WDR3: variants seen among roughly 807,000 people sequenced by gnomAD.
WDR3 encodes the protein WD repeat-containing protein 3.
In WDR3, 81 loss-of-function variants were observed where a neutral mutation model predicts 123.7. The observed-to-expected ratio is 0.65, with a 90% CI of 0.55 to 0.79. WDR3 has a LOEUF of 0.79. Ranked by LOEUF, WDR3 falls within the 30% of genes least tolerant of loss-of-function variation. WDR3 has a pLI of 0.00. For missense variants in WDR3, 1,027 were observed against 1,123.2 expected, an observed-to-expected ratio of 0.91 and a Z score of 1.22; for synonymous variants, 390 against 388.8, an observed-to-expected ratio of 1.00 and a Z score of -0.04.
At chr1:117,930,270 G>T (rs1650659379) in intron 1 of WDR3, among the ~76,000 whole-genome samples, 2 of 152,224 alleles carry the variant, frequency 1.3e-5, no homozygotes, top group Non-Finnish European at 2.9e-5. Flanking sequence ...AAAGTGAACA[G>T]TGCAAGTTGT....
intron 6 of WDR3, among the ~76,000 whole-genome samples, chr1:117,939,977 A>G (rs2101200442): frequency 6.6e-6 from 1 of 152,364 alleles, no homozygotes; most frequent in African/African-American, 2.4e-5. Context: ...TACATAGAAG[A>G]AAAGCTTGCA....
intron 5 of WDR3, among the ~76,000 whole-genome samples, chr1:117,938,908 GTTAC>G (rs1324038358): frequency 2.0e-5 from 3 of 152,136 alleles, no homozygotes; most frequent in African/African-American, 7.2e-5. Context: ...TGTTAAAATA[GTTAC>G]TTGAACAGAG....
intron 11 of WDR3, among the ~76,000 whole-genome samples, chr1:117,945,641 G>T (rs189801480): frequency 1.1e-4 from 17 of 152,284 alleles, no homozygotes; most frequent in African/African-American, 3.6e-4. Context: ...CCAGCACCTA[G>T]AACAGTACCT....
Position 117,938,573 on chromosome 1 carries a change from A to G in WDR3, c.579+15A>G, listed in dbSNP as rs1195845373. ...ACCGGACTGAGGTAAGTGTAGGGTC[A>G]TGGGCCCAGGGAAATAATGGGAAGG... On this transcript the variant is annotated intron_variant, in intron 5 of 26. Coordinates refer to ENST00000349139, the MANE Select transcript of WDR3 (RefSeq NM_006784.3). The G allele has an allele frequency of 6.2e-7, 1 of 1,607,918 alleles. No homozygotes were observed. The highest frequency in any genetic ancestry group is 2.2e-5 in the East Asian group (1 of 44,672).
chr1:117,944,150 C>A (rs1222039496), intron 11 of WDR3, among the ~76,000 whole-genome samples: 1 of 152,218 alleles, frequency 6.6e-6, no homozygotes, highest in African/African-American at 2.4e-5. Flanking sequence ...TGTCTCCCAT[C>A]AAGCTTTTGT....
intron 23 of WDR3, among the ~76,000 whole-genome samples, chr1:117,954,843 C>G (rs1197244589): frequency 6.6e-6 from 1 of 152,080 alleles, no homozygotes; most frequent in Non-Finnish European, 1.5e-5. Context: ...TTGGACTGGA[C>G]TGGCATTCTT....
Position 117,941,803 on chromosome 1 carries a change from G to A in WDR3, c.945G>A (p.Gln315=), listed in dbSNP as rs756283757. The A allele has an allele frequency of 1.4e-5, 23 of 1,609,844 alleles. 1 individual carries two copies. In the South Asian group the frequency reaches 2.6e-4, roughly 18 times the overall value. Residue 315 remains glutamine, a synonymous_variant, in exon 9 of 27, where the codon CAG becomes CAA. Transcript: ENST00000349139. The stretch of plus-strand genomic sequence containing the variant: ...GTATCCTTTCCAAAAAGGAAATTCA[G>A]AAGAAAATGGATAAGAAGATGAAGA... ...LFCILSKKEI[Q]KKMDKKMKKA... is the part of the protein sequence containing the mutation.
intron 6 of WDR3, among the ~76,000 whole-genome samples, chr1:117,939,955 A>G (rs1266685520): frequency 2.6e-5 from 4 of 152,224 alleles, no homozygotes; most frequent in Non-Finnish European, 5.9e-5. Context: ...TTTCTTAGAC[A>G]TTCAAAGAAT....
intron 16 of WDR3, among the ~76,000 whole-genome samples, chr1:117,951,417 A>AG (rs2101219850): frequency 6.6e-6 from 1 of 152,172 alleles, no homozygotes; most frequent in East Asian, 1.9e-4. Context: ...CAAAAAAAAA[A>AG]AAAAAGTCTA....
At position 117,963,464 on chromosome 1, in the gene WDR3, C is replaced by T. The variant is rs561307491; in HGVS notation, c.*4017C>T. ...CTGCAAGCTCCGCTTCCTGGGTTCA[C>T]GCCATTCTCCTGCCTCAGCCTCCAG... On this transcript the variant is annotated 3_prime_UTR_variant, in exon 27 of 27. Transcript: ENST00000349139. The T allele has an allele frequency of 8.1e-4, 128 of 158,588 alleles. 1 individual carries two copies. In the East Asian group the frequency reaches 0.02, roughly 24 times the overall value. The allele number at this position is 158,588 out of a possible 1,614,324, so 9.8% of individuals were successfully genotyped here.
intron 9 of WDR3, 117 bp from the exon 10 acceptor site, chr1:117,942,320 G>A (rs1370911556): frequency 5.0e-6 from 4 of 794,656 alleles, no homozygotes; most frequent in Non-Finnish European, 8.5e-6. Context: ...GTGTGGTTAA[G>A]TGACTTTTCC....
chr1:117,933,738 C>T, intron 2 of WDR3: 2 of 513,054 alleles, frequency 3.9e-6, no homozygotes, highest in Non-Finnish European at 7.2e-6. Context: ...GGAATATTTA[C>T]AGGTCATTAT....
intron 15 of WDR3, 108 bp downstream of exon 15, chr1:117,950,238 T>C (rs57769243): frequency 1.5e-6 from 2 of 1,297,554 alleles, no homozygotes. Context: ...CGATAGTACA[T>C]TTCTAAAAAT....
chr1:117,966,435 G>T lies in WDR3; in HGVS notation c.*6988G>T. The T allele has an allele frequency of 1.8e-6, 1 of 548,216 alleles. No homozygotes were observed. The highest frequency in any genetic ancestry group is 3.0e-6 in the Non-Finnish European group (1 of 336,752). 34.0% of individuals were successfully genotyped at this position (548,216 alleles called of 1,614,324 possible). A position where few individuals can be genotyped will look rare whatever the true frequency, so the allele number is the denominator to read the frequency against. ...ATACTATGTGTCAGGTATTTTTTTA[G>T]ATTTGGCTAGGTGCTTTCAAAGATG... On this transcript the variant is annotated 3_prime_UTR_variant, in exon 27 of 27. Coordinates refer to ENST00000349139, the MANE Select transcript of WDR3 (RefSeq NM_006784.3).
rs564715277 is a variant in WDR3, at chr1:117,954,578, A to G, written c.2362-2A>G. 72 of 1,612,548 alleles carry G rather than the reference A, an allele frequency of 4.5e-5. 1 individual carries two copies. The South Asian group carries it at 7.5e-4, about 17-fold the overall frequency. On this transcript the variant is annotated splice_acceptor_variant, in intron 22 of 26. Coordinates refer to ENST00000349139, the MANE Select transcript of WDR3 (RefSeq NM_006784.3). LOFTEE classifies it high-confidence loss of function. ...TGACTTGATTTAATAATTTCTTCAT[A>G]GGTTCCACTTCCCAGCAACCCCATC...
At chr1:117,953,845 CA>C in intron 21 of WDR3, 161 bp from the exon 22 acceptor site, 1 of 649,214 alleles carries the variant, frequency 1.5e-6, no homozygotes, top group Non-Finnish European at 2.6e-6. Flanking sequence ...ATAAGAAAAC[CA>C]AAAATGTCTT....
chr1:117,958,522 C>G (rs1259118310), intron 25 of WDR3, among the ~76,000 whole-genome samples: 1 of 152,158 alleles, frequency 6.6e-6, no homozygotes, highest in African/African-American at 2.4e-5. Flanking sequence ...TCACGAATGT[C>G]TCTTTTTTGC....
intron 16 of WDR3, 150 bp from the exon 17 acceptor site, chr1:117,951,826 A>G: frequency 1.4e-6 from 1 of 704,272 alleles, no homozygotes. Context: ...GGTAAGAGCA[A>G]AGAATTCAGT....
chr1:117,959,667 A>G lies in WDR3; in HGVS notation c.*220A>G. 5.1e-6 allele frequency: 2 copies of G among 389,846 alleles called. No homozygotes were observed. Among genetic ancestry groups the G allele is most frequent in the Middle Eastern group, 6.9e-4 (1 of 1,440 alleles). 24.1% of individuals were successfully genotyped at this position (389,846 alleles called of 1,614,324 possible). A position where few individuals can be genotyped will look rare whatever the true frequency, so the allele number is the denominator to read the frequency against. Reference sequence around the variant, plus strand: ...CTTAAAATGCATTATTAGTTTAAAAATCTTTCTGTGCTCTCAAAGCTTGAG... The same window carrying G: ...CTTAAAATGCATTATTAGTTTAAAAGTCTTTCTGTGCTCTCAAAGCTTGAG... On this transcript the variant is annotated 3_prime_UTR_variant, in exon 27 of 27. Coordinates refer to ENST00000349139, the MANE Select transcript of WDR3 (RefSeq NM_006784.3).
Sources: allele counts gnomAD v4.1 joint callset (sites outside exome capture counted in the v4.1 genomes callset), GRCh38; gene constraint gnomAD v4.1.1; transcripts MANE v1.5; gene names NCBI Gene and HGNC (gene_info 2026-07-23, HGNC 2026-07-21).